PCDHGB2: variants seen among roughly 807,000 people sequenced by gnomAD.
PCDHGB2 encodes the protein protocadherin gamma-B2.
PCDHGB2 carries 55 observed loss-of-function variants against 59.3 expected under a neutral mutation model. The observed-to-expected ratio is 0.93, with a 90% confidence interval of 0.75 to 1.16. PCDHGB2 has a LOEUF of 1.16. PCDHGB2 is among the 50% of genes most tolerant of loss of function. The pLI is 0.00. For missense variants in PCDHGB2, 1,228 were observed against 1,198.5 expected (o/e 1.02, Z -0.36); for synonymous variants, 516 against 512.0 (o/e 1.01, Z -0.11).
chr5:141,410,653 A>G (rs1272999564), intron 1 of PCDHGB2: 9 of 1,589,886 alleles, frequency 5.7e-6, no homozygotes, highest in Non-Finnish European at 7.7e-6. Context: ...TGATTTATCT[A>G]ATAGTCTACT....
At chr5:141,433,951 A>G (rs2097667078) in intron 1 of PCDHGB2, among the ~76,000 whole-genome samples, 1 of 152,032 alleles carries the variant, frequency 6.6e-6, no homozygotes, top group African/African-American at 2.4e-5. Context: ...TGTTTCTTCT[A>G]CAGTTGTTAA....
rs768038039 is a variant in PCDHGB2 at position 141,361,589 on chromosome 5, G to A, written c.1454G>A (p.Gly485Asp). 1.2e-6 allele frequency: 2 copies of A among 1,614,024 alleles called. No individual in the cohort carries two copies. The highest frequency in any genetic ancestry group is 1.7e-6 in the Non-Finnish European group (2 of 1,179,900). ...TCTGACCCTGACTTGGGCCCCAGTG[G>A]CCAAGTTTCCTACTCCATCGTAGCG... ...SASDPDLGPSGQVSYSIVASD... is the reference protein window; with the variant it reads ...SASDPDLGPSDQVSYSIVASD... The change falls in exon 1 of 4, where the codon GGC (glycine) becomes GAC (aspartate). Residue 485 changes from glycine (G) to aspartate (D), a missense_variant. Gly to Asp is a moderately conservative substitution (Grantham distance 94). Around this residue, in one of 3 missense-constraint regions of PCDHGB2, gnomAD observed 781 missense variants for 721.6 expected, o/e 1.08. Coordinates refer to ENST00000522605, the MANE Select transcript of PCDHGB2 (RefSeq NM_018923.3).
chr5:141,477,778 C>A lies in PCDHGB2; in HGVS notation c.2422-17029C>A. The stretch of plus-strand genomic sequence containing the variant: ...TCCTAGCCACCAACATCAGCGTGAA[C>A]ATATTTGTCACTGATCGCAATGACA... On this transcript the variant is annotated intron_variant, in intron 1 of 3. Coordinates refer to ENST00000522605, the MANE Select transcript of PCDHGB2 (RefSeq NM_018923.3). The surrounding 1 kb of genome is among the most constrained non-coding windows in gnomAD (Gnocchi z 4.9). The A allele has an allele frequency of 6.2e-7, 1 of 1,614,052 alleles. No individual in the cohort carries two copies. The highest frequency in any genetic ancestry group is 8.5e-7 in the Non-Finnish European group (1 of 1,180,040).
chr5:141,409,495 T>C (rs777919409), intron 1 of PCDHGB2: 5 of 1,613,862 alleles, frequency 3.1e-6, no homozygotes, highest in Non-Finnish European at 4.2e-6. Context: ...GCAAGCCGCC[T>C]CTTTCTTCCA....
intron 1 of PCDHGB2, among the ~76,000 whole-genome samples, chr5:141,437,771 A>G (rs971065583): frequency 7.9e-5 from 12 of 151,238 alleles, no homozygotes; most frequent in Admixed American, 6.6e-5. Context: ...CAGAGTCTCA[A>G]TCTGTCGCCA....
At chr5:141,414,531 C>A in intron 1 of PCDHGB2, 1 of 1,613,960 alleles carries the variant, frequency 6.2e-7, no homozygotes, top group Non-Finnish European at 8.5e-7. Context: ...TCAATGACAA[C>A]CCACCTACCT....
chr5:141,415,455 G>A (rs571718366), intron 1 of PCDHGB2: 2 of 1,614,186 alleles, frequency 1.2e-6, no homozygotes, highest in African/African-American at 1.3e-5. Context: ...ATTCCCACGA[G>A]GTCTCTCTCA....
Position 141,362,170 on chromosome 5 carries a change from C to G in PCDHGB2, c.2035C>G (p.Arg679Gly), listed in dbSNP as rs1394296027. 1 of 1,613,918 alleles carries G rather than the reference C, an allele frequency of 6.2e-7. No homozygotes were observed. Among genetic ancestry groups the G allele is most frequent in the Non-Finnish European group, 8.5e-7 (1 of 1,179,914 alleles). ...QEVLPDLSDR[R>G]EPSDPQAKLQ... ...GGTATTGCCAGACCTCAGCGACCGC[C>G]GGGAGCCCTCTGACCCCCAGGCAAA... The change falls in exon 1 of 4, where the codon CGG becomes GGG. Residue 679 changes from arginine (R) to glycine (G), a missense_variant. This residue lies in a region of PCDHGB2 where 433 missense variants were observed against 441.8 expected (regional missense o/e 0.98). Transcript: ENST00000522605.
At chr5:141,372,646 C>A in intron 1 of PCDHGB2, 2 of 1,614,008 alleles carry the variant, frequency 1.2e-6, no homozygotes, top group Non-Finnish European at 1.7e-6. Context: ...TTGCCTTATT[C>A]CTACAATCCG....
At chr5:141,409,986 A>G (rs995773112) in intron 1 of PCDHGB2, 27 of 1,612,796 alleles carry the variant, frequency 1.7e-5, no homozygotes, top group Non-Finnish European at 2.2e-5. Context: ...GTAGCGGTGG[A>G]CGCCGACTCG....
intron 1 of PCDHGB2, among the ~76,000 whole-genome samples, chr5:141,402,429 T>C (rs2094263946): frequency 6.6e-6 from 1 of 151,986 alleles, no homozygotes; most frequent in Admixed American, 6.6e-5. Flanking sequence ...AATTGAAGCA[T>C]CATAAAAAGG....
At chr5:141,374,611 T>G in intron 1 of PCDHGB2, 1 of 1,613,552 alleles carries the variant, frequency 6.2e-7, no homozygotes, top group East Asian at 2.2e-5. Context: ...GTGGTAATAG[T>G]CACTTCTCAG....
At chr5:141,364,583 G>A in intron 1 of PCDHGB2, 2 of 1,614,216 alleles carry the variant, frequency 1.2e-6, no homozygotes. Context: ...CGGCAGCTTG[G>A]TCACCGCGGG....
At chr5:141,506,597 C>T (rs937487600) in intron 3 of PCDHGB2, among the ~76,000 whole-genome samples, 4 of 152,150 alleles carry the variant, frequency 2.6e-5, no homozygotes, top group Admixed American at 6.5e-5. Context: ...ACAGTATTAA[C>T]GGATCTCATT....
chr5:141,454,898 C>T (rs1426884791), intron 1 of PCDHGB2, among the ~76,000 whole-genome samples: 1 of 147,834 alleles, frequency 6.8e-6, no homozygotes, highest in Non-Finnish European at 1.5e-5. Flanking sequence ...AGCACCGCCT[C>T]CCGGGTTCAC....
rs57426385 is a variant in PCDHGB2 at position 141,415,740 on chromosome 5, G to GTTTTT, written c.2421+53212_2421+53216dup. 865 of 624,308 alleles carry GTTTTT rather than the reference G, an allele frequency of 1.4e-3. 3 individuals carry two copies. Among genetic ancestry groups the GTTTTT allele is most frequent in the South Asian group, 2.2e-3 (75 of 34,868 alleles). The allele number at this position is 624,308 out of a possible 1,614,324, so 38.7% of individuals were successfully genotyped here. A position where few individuals can be genotyped will look rare whatever the true frequency, so the allele number is the denominator to read the frequency against. ...TGAGTAGAATTTGATGTTTATTAAG[G>GTTTTT]TTTTTTTTTTTTTTTTTTTTTTTTT... is the stretch of plus-strand genomic sequence containing the variant. On this transcript the variant is annotated intron_variant, in intron 1 of 3. Transcript: ENST00000522605.
chr5:141,442,697 G>C (rs1443734141), intron 1 of PCDHGB2, among the ~76,000 whole-genome samples: 2 of 152,258 alleles, frequency 1.3e-5, no homozygotes, highest in East Asian at 1.9e-4. Flanking sequence ...AGGCAGACAA[G>C]AGTATCAGAC....
At chr5:141,370,333 C>T in intron 1 of PCDHGB2, 1 of 1,435,660 alleles carries the variant, frequency 7.0e-7, no homozygotes, top group Non-Finnish European at 9.4e-7. Flanking sequence ...TCGGAGAACT[C>T]TTGGGATTAT....
At chr5:141,387,628 G>A (rs2091015052) in intron 1 of PCDHGB2, 1 of 577,308 alleles carries the variant, frequency 1.7e-6, no homozygotes, top group Admixed American at 3.5e-5. Context: ...GCTGACTCTG[G>A]GCGCCGCTGT....
Sources: gnomAD v4.1 joint callset for allele counts (sites outside exome capture counted in the v4.1 genomes callset) on GRCh38, gnomAD v4.1.1 for gene constraint, gnomAD v4.1.1 regional missense constraint, Gnocchi (gnomAD v3.1) non-coding constraint, MANE v1.5 for transcripts, NCBI Gene and HGNC (gene_info 2026-07-23, HGNC 2026-07-21) for gene names.